EMCN: variants seen among roughly 807,000 people sequenced by gnomAD.
The protein encoded by EMCN is endomucin.
In EMCN, 37 loss-of-function variants were observed where a neutral mutation model predicts 38.4. That is an observed-to-expected ratio of 0.96 (90% confidence interval 0.74 to 1.27). The LOEUF is 1.27. Among genes scored for constraint, EMCN ranks in the 50% most tolerant of loss-of-function variants. The pLI is 0.00. For synonymous variants in EMCN, 95 were observed against 100.8 expected (o/e 0.94, Z 0.35); for missense variants, 318 against 302.8 (o/e 1.05, Z -0.37).
chr4:100,430,776 A>G (rs1727174511), intron 5 of EMCN, among the ~76,000 whole-genome samples: 1 of 152,166 alleles, frequency 6.6e-6, no homozygotes, highest in Non-Finnish European at 1.5e-5. Context: ...TCTTAAGGAG[A>G]AGTTTGTACC....
At chr4:100,485,467 TC>T (rs1728916913) in intron 1 of EMCN, among the ~76,000 whole-genome samples, 1 of 152,146 alleles carries the variant, frequency 6.6e-6, no homozygotes, top group Admixed American at 6.5e-5. Flanking sequence ...GGGTCCCTTT[TC>T]ATTGTAATTT....
At chr4:100,460,701 G>T (rs187714868) in intron 4 of EMCN, among the ~76,000 whole-genome samples, 118 of 152,286 alleles carry the variant, frequency 7.7e-4, no homozygotes, top group Middle Eastern at 3.4e-3. Context: ...TACAATTCAA[G>T]TGAGATTTGA....
At chr4:100,401,397 G>T (rs1726257799) in intron 11 of EMCN, among the ~76,000 whole-genome samples, 1 of 152,132 alleles carries the variant, frequency 6.6e-6, no homozygotes. Context: ...CTACATGAGA[G>T]AATTCGTGTA....
At chr4:100,505,528 T>A (rs921068062) in intron 1 of EMCN, among the ~76,000 whole-genome samples, 7 of 152,090 alleles carry the variant, frequency 4.6e-5, no homozygotes, top group Non-Finnish European at 1.0e-4. Flanking sequence ...TGACCAGTGC[T>A]TTGGAAGGGG....
chr4:100,492,718 A>C (rs879942680), intron 1 of EMCN, among the ~76,000 whole-genome samples: 5 of 152,222 alleles, frequency 3.3e-5, no homozygotes, highest in Non-Finnish European at 7.3e-5. Flanking sequence ...CATACTTCCC[A>C]GAATATTATT....
At chr4:100,504,083 C>CAG (rs1560644321) in intron 1 of EMCN, among the ~76,000 whole-genome samples, 2 of 151,782 alleles carry the variant, frequency 1.3e-5, no homozygotes, top group African/African-American at 2.4e-5. Flanking sequence ...AGTATGTGTG[C>CAG]AGAGAGAGAG....
chr4:100,464,241 T>C (rs1267739668), intron 4 of EMCN, among the ~76,000 whole-genome samples: 2 of 151,746 alleles, frequency 1.3e-5, no homozygotes, highest in Non-Finnish European at 2.9e-5. Flanking sequence ...TATTTTAATA[T>C]ATTTTATATC....
intron 1 of EMCN, among the ~76,000 whole-genome samples, chr4:100,496,943 C>T (rs915416235): frequency 2.0e-5 from 3 of 151,898 alleles, no homozygotes; most frequent in Non-Finnish European, 4.4e-5. Flanking sequence ...ATAGCTTCTC[C>T]ATATGACAGA....
chr4:100,482,051 T>TCA (rs1728823487), intron 1 of EMCN, among the ~76,000 whole-genome samples: 1 of 152,136 alleles, frequency 6.6e-6, no homozygotes, highest in East Asian at 1.9e-4. Flanking sequence ...TCACATGATA[T>TCA]CAAACATTAC....
chr4:100,453,233 C>A (rs1328652216), intron 4 of EMCN, among the ~76,000 whole-genome samples: 3 of 152,026 alleles, frequency 2.0e-5, no homozygotes, highest in Non-Finnish European at 4.4e-5. Flanking sequence ...AGTGAACAGG[C>A]AACCTACAGA....
intron 1 of EMCN, among the ~76,000 whole-genome samples, chr4:100,492,977 T>C (rs566894408): frequency 1.3e-5 from 2 of 152,298 alleles, no homozygotes; most frequent in African/African-American, 4.8e-5. Flanking sequence ...AGACTTTTTG[T>C]GCAGATCTAG....
chr4:100,410,566 T>C lies in EMCN; in HGVS notation c.752-211A>G, dbSNP rs80070893. 3.9e-5 allele frequency among the ~76,000 whole-genome samples: 6 copies of C among 152,110 alleles called. No homozygotes were observed. In the East Asian group the frequency reaches 1.2e-3, roughly 29 times the overall value. ...GACATCATCTGTTTTCACTTTAAAGTAGCAATATGAAGTCCTGGGTGGGAT... is the reference window on the plus strand; with the variant it reads ...GACATCATCTGTTTTCACTTTAAAGCAGCAATATGAAGTCCTGGGTGGGAT... On this transcript the variant is annotated intron_variant, in intron 10 of 11. Coordinates refer to ENST00000296420, the MANE Select transcript of EMCN (RefSeq NM_016242.4).
At chr4:100,466,157 T>C (rs1442100479) in intron 3 of EMCN, among the ~76,000 whole-genome samples, 1 of 152,194 alleles carries the variant, frequency 6.6e-6, no homozygotes, top group East Asian at 1.9e-4. Flanking sequence ...TGGAATAAGA[T>C]GACTTGAAAC....
chr4:100,469,685 G>A (rs1188292940), intron 3 of EMCN, among the ~76,000 whole-genome samples: 5 of 152,004 alleles, frequency 3.3e-5, no homozygotes, highest in African/African-American at 9.7e-5. Context: ...ATTGAACAGG[G>A]AGTCCTTTCT....
In EMCN at chr4:100,474,966, T is replaced by C. The variant is rs528982484; in HGVS notation, c.259+72A>G. The C allele has an allele frequency of 1.1e-5, 8 of 758,730 alleles. No homozygotes were observed. The East Asian group carries it at 2.4e-4, about 23-fold the overall frequency. 47.0% of individuals were successfully genotyped at this position (758,730 alleles called of 1,614,324 possible). ...ACTAAAAACTTCTGAATTGTACACT[T>C]TAAAAGGGTGACTATTATGTTATGT... On this transcript the variant is annotated intron_variant, in intron 3 of 11. Coordinates refer to ENST00000296420, the MANE Select transcript of EMCN (RefSeq NM_016242.4).
At chr4:100,444,057 T>TG (rs1275075315) in intron 5 of EMCN, among the ~76,000 whole-genome samples, 1 of 152,060 alleles carries the variant, frequency 6.6e-6, no homozygotes, top group Admixed American at 6.5e-5. Flanking sequence ...GATGCAGAAA[T>TG]GGCAAGACAC....
intron 5 of EMCN, among the ~76,000 whole-genome samples, chr4:100,433,630 G>T (rs919116616): frequency 4.0e-5 from 6 of 151,848 alleles, no homozygotes; most frequent in Non-Finnish European, 7.4e-5. Context: ...CTACCTTCCA[G>T]GTTCAAATGA....
chr4:100,476,861 A>G (rs1208212753), intron 2 of EMCN, among the ~76,000 whole-genome samples: 1 of 152,248 alleles, frequency 6.6e-6, no homozygotes, highest in African/African-American at 2.4e-5. Context: ...CTATTCAAAT[A>G]TAACAGGGAA....
chr4:100,467,696 A>G (rs915100189), intron 3 of EMCN, among the ~76,000 whole-genome samples: 1 of 151,786 alleles, frequency 6.6e-6, no homozygotes, highest in Non-Finnish European at 1.5e-5. Flanking sequence ...AAAAAAAAAA[A>G]AAAAAGATAT....
Sources: gnomAD v4.1 joint callset for allele counts (sites outside exome capture counted in the v4.1 genomes callset) on GRCh38, gnomAD v4.1.1 for gene constraint, MANE v1.5 for transcripts, NCBI Gene and HGNC (gene_info 2026-07-23, HGNC 2026-07-21) for gene names.